The following AGBL4 variants were observed in gnomAD, a reference collection of about 807,000 sequenced individuals.
AGBL4 encodes the protein AGBL carboxypeptidase 4, also known as cytosolic carboxypeptidase 6.
In AGBL4, 58 loss-of-function variants were observed where a neutral mutation model predicts 66.4. The ratio of observed to expected loss-of-function variants is 0.87; its 90% confidence interval spans 0.71 to 1.09. The LOEUF is 1.09. Among genes scored for constraint, AGBL4 ranks in the 50% least tolerant of loss-of-function variants. AGBL4 has a pLI of 0.00. For missense variants in AGBL4, 579 were observed against 631.0 expected, an observed-to-expected ratio of 0.92 and a Z score of 0.88; for synonymous variants, 234 against 222.9, an observed-to-expected ratio of 1.05 and a Z score of -0.44.
At chr1:49,696,523 G>GTT (rs1233787647) in intron 3 of AGBL4, among the ~76,000 whole-genome samples, 5 of 151,950 alleles carry the variant, frequency 3.3e-5, no homozygotes, top group Admixed American at 3.3e-4. Flanking sequence ...GAAAATAATA[G>GTT]TTTTTCATGG....
intron 2 of AGBL4, among the ~76,000 whole-genome samples, chr1:49,793,450 T>A (rs962432260): frequency 1.3e-5 from 2 of 151,986 alleles, no homozygotes; most frequent in Admixed American, 6.6e-5. Flanking sequence ...TGGAGTAGAA[T>A]AATAATAATA....
chr1:49,329,902 G>A (rs1259409596), intron 3 of AGBL4, among the ~76,000 whole-genome samples: 4 of 152,084 alleles, frequency 2.6e-5, no homozygotes, highest in Non-Finnish European at 5.9e-5. Context: ...ATTTACTTGA[G>A]AACATATGTA....
intron 6 of AGBL4, chr1:48,776,526 C>CCTCCGCCCGGGCCCCCGG (rs1553231978): frequency 6.5e-6 from 7 of 1,083,686 alleles, no homozygotes; most frequent in Non-Finnish European, 8.6e-6. Flanking sequence ...CCCCCGGTCC[C>CCTCCGCCCGGGCCCCCGG]CTCCGCCCGG....
intron 3 of AGBL4, among the ~76,000 whole-genome samples, chr1:49,634,603 G>T (rs941677935): frequency 2.6e-5 from 4 of 152,086 alleles, no homozygotes; most frequent in African/African-American, 9.7e-5. Flanking sequence ...TGGGTCAAAT[G>T]GTATTTCTGG....
At chr1:49,871,202 A>T (rs968891849) in intron 1 of AGBL4, among the ~76,000 whole-genome samples, 5 of 152,028 alleles carry the variant, frequency 3.3e-5, no homozygotes, top group African/African-American at 1.2e-4. Flanking sequence ...TGGAACATTA[A>T]CCCATTCTTT....
At chr1:49,797,604 T>C (rs1644761245) in intron 2 of AGBL4, among the ~76,000 whole-genome samples, 1 of 152,022 alleles carries the variant, frequency 6.6e-6, no homozygotes, top group African/African-American at 2.4e-5. Context: ...TGGCTAAGTT[T>C]TTAAAATTTT....
rs190235218 is a variant in AGBL4 at position 49,076,340 on chromosome 1, C to T, written c.378-30540G>A. On this transcript the variant is annotated intron_variant, in intron 4 of 13. Transcript: ENST00000371839. ...AATCATTTCAAGATTACTTGTAATA[C>T]CTAAATGCTATGTAAATAGTTTTTA... 5.6e-4 allele frequency among the ~76,000 whole-genome samples: 86 copies of T among 152,234 alleles called. 1 individual carries two copies. In the East Asian group the frequency reaches 0.013, roughly 23 times the overall value.
At chr1:49,342,137 C>T (rs1645552517) in intron 3 of AGBL4, among the ~76,000 whole-genome samples, 1 of 152,150 alleles carries the variant, frequency 6.6e-6, no homozygotes, top group Admixed American at 6.5e-5. Context: ...AGATCATTCT[C>T]TTTTTCGCTT....
Position 49,948,205 on chromosome 1 carries a change from A to AAT in AGBL4, c.34+75556_34+75557dup, listed in dbSNP as rs1557608871. Among the ~76,000 whole-genome samples, 371 of 99,936 alleles carry AAT rather than the reference A, an allele frequency of 3.7e-3. 5 individuals carry two copies. The highest frequency in any genetic ancestry group is 0.012 in the Middle Eastern group (1 of 82). 65.6% of individuals were successfully genotyped at this position (99,936 alleles called of 152,430 possible). A position where few individuals can be genotyped will look rare whatever the true frequency, so the allele number is the denominator to read the frequency against. On this transcript the variant is annotated intron_variant, in intron 1 of 13. Transcript: ENST00000371839. ...CTATATATAAATATATATAAATATA[A>AAT]ATATATAAATATATATAAATATATA... is the stretch of plus-strand genomic sequence containing the variant.
intron 3 of AGBL4, among the ~76,000 whole-genome samples, chr1:49,680,874 G>A (rs1646679538): frequency 6.7e-6 from 1 of 150,210 alleles, no homozygotes; most frequent in African/African-American, 2.4e-5. Flanking sequence ...ATTCCCTGAT[G>A]TTCCTGATGC....
intron 2 of AGBL4, among the ~76,000 whole-genome samples, chr1:49,713,271 C>T (rs1273216517): frequency 2.0e-5 from 3 of 151,972 alleles, no homozygotes; most frequent in African/African-American, 7.2e-5. Context: ...TAAAAGACTG[C>T]ACTTAACAAT....
intron 2 of AGBL4, among the ~76,000 whole-genome samples, chr1:49,743,438 C>A (rs2147815258): frequency 6.6e-6 from 1 of 152,296 alleles, no homozygotes; most frequent in East Asian, 1.9e-4. Flanking sequence ...AATAGGAACA[C>A]TTTTACACTG....
chr1:48,529,618 G>A (rs1194912951), downstream of AGBL4, among the ~76,000 whole-genome samples: 1 of 152,048 alleles, frequency 6.6e-6, no homozygotes, highest in Non-Finnish European at 1.5e-5. Flanking sequence ...GCTGAGCTCA[G>A]CCAAAAGGTA....
At chr1:49,897,046 G>A (rs1187196399) in intron 1 of AGBL4, among the ~76,000 whole-genome samples, 1 of 151,976 alleles carries the variant, frequency 6.6e-6, no homozygotes, top group Non-Finnish European at 1.5e-5. Context: ...TCTAAGATCT[G>A]GAACAAGACA....
At chr1:49,802,140 A>G (rs1427306869) in intron 2 of AGBL4, among the ~76,000 whole-genome samples, 1 of 152,184 alleles carries the variant, frequency 6.6e-6, no homozygotes, top group Non-Finnish European at 1.5e-5. Context: ...CAGAGAGCCT[A>G]TGAATGGACG....
chr1:49,424,999 A>T (rs1645624761), intron 3 of AGBL4, among the ~76,000 whole-genome samples: 1 of 152,140 alleles, frequency 6.6e-6, no homozygotes, highest in South Asian at 2.1e-4. Flanking sequence ...CTTTACTCTA[A>T]ATCTAATGAA....
intron 2 of AGBL4, among the ~76,000 whole-genome samples, chr1:49,761,048 G>A (rs1269036146): frequency 6.6e-6 from 1 of 151,886 alleles, no homozygotes; most frequent in Non-Finnish European, 1.5e-5. Context: ...AGGGAACTTA[G>A]AGGATGGGTC....
intron 6 of AGBL4, among the ~76,000 whole-genome samples, chr1:48,803,553 T>A (rs1645856248): frequency 6.6e-6 from 1 of 152,214 alleles, no homozygotes; most frequent in South Asian, 2.1e-4. Flanking sequence ...CTGGACATCT[T>A]AAGGAAGGCA....
chr1:49,825,190 G>A (rs1645478134), intron 2 of AGBL4, among the ~76,000 whole-genome samples: 1 of 152,062 alleles, frequency 6.6e-6, no homozygotes, highest in East Asian at 1.9e-4. Context: ...ATTTTCTTTT[G>A]TTTTTCTAAA....
Sources: gnomAD v4.1 joint callset for allele counts (sites outside exome capture counted in the v4.1 genomes callset) on GRCh38, gnomAD v4.1.1 for gene constraint, MANE v1.5 for transcripts, NCBI Gene and HGNC (gene_info 2026-07-23, HGNC 2026-07-21) for gene names.